The following PTPRD variants were observed in gnomAD, a reference collection of about 807,000 sequenced individuals.
PTPRD encodes protein tyrosine phosphatase receptor type D.
A neutral mutation model predicts 214.5 loss-of-function variants in PTPRD; 34 were observed. The observed-to-expected ratio is 0.16, with a 90% CI of 0.12 to 0.21. The LOEUF (loss-of-function observed/expected upper bound fraction) is 0.21, where lower values mean the gene tolerates loss of function less well. PTPRD is among the 10% of genes least tolerant of loss of function. The probability of loss-of-function intolerance (pLI) is 1.00; values close to 1 mark genes in which losing one functional copy is unlikely to be tolerated. For missense variants in PTPRD, 2,545 were observed against 2,398.7 expected (o/e 1.06, Z -1.27); for synonymous variants, 1,128 against 845.7 (o/e 1.33, Z -5.79).
rs530550271 is a variant in PTPRD at position 10,074,178 on chromosome 9, A to T, written c.-544-40388T>A. On this transcript the variant is annotated intron_variant, in intron 3 of 45. Coordinates refer to ENST00000381196, the MANE Select transcript of PTPRD (RefSeq NM_002839.4). Reference sequence around the variant, plus strand: ...GTTTACTGGATAGAATCATGGCATCATACAATATTTGGCTCCTCTCATTGG... The same window carrying T: ...GTTTACTGGATAGAATCATGGCATCTTACAATATTTGGCTCCTCTCATTGG... 2.0e-5 allele frequency among the ~76,000 whole-genome samples: 3 copies of T among 152,246 alleles called. No homozygotes were observed. The South Asian group carries it at 6.2e-4, about 32-fold the overall frequency.
intron 6 of PTPRD, among the ~76,000 whole-genome samples, chr9:9,735,758 T>A (rs766914965): frequency 6.6e-6 from 1 of 152,132 alleles, no homozygotes; most frequent in Non-Finnish European, 1.5e-5. Context: ...AAACGGATGA[T>A]CTATCTCTTA....
intron 11 of PTPRD, among the ~76,000 whole-genome samples, chr9:8,889,014 C>T (rs1259182026): frequency 6.6e-6 from 1 of 152,070 alleles, no homozygotes. Flanking sequence ...ATTTGTTGCT[C>T]AAGATATTAA....
At chr9:9,977,507 T>G (rs538699072) in intron 4 of PTPRD, among the ~76,000 whole-genome samples, 2 of 152,206 alleles carry the variant, frequency 1.3e-5, no homozygotes, top group African/African-American at 4.8e-5. Flanking sequence ...ATAAGTAGCA[T>G]GTAATTAGAC....
At chr9:9,094,748 A>G (rs2099781076) in intron 10 of PTPRD, among the ~76,000 whole-genome samples, 1 of 152,230 alleles carries the variant, frequency 6.6e-6, no homozygotes, top group Non-Finnish European at 1.5e-5. Flanking sequence ...ATATTTAACA[A>G]CAACAAACAA....
At chr9:8,666,301 C>G (rs1456920226) in intron 12 of PTPRD, among the ~76,000 whole-genome samples, 4 of 152,128 alleles carry the variant, frequency 2.6e-5, no homozygotes, top group African/African-American at 9.6e-5. Context: ...AGTGTTAAGT[C>G]AACATTCAAT....
intron 3 of PTPRD, among the ~76,000 whole-genome samples, chr9:10,072,582 C>T (rs1452054877): frequency 6.6e-6 from 1 of 152,080 alleles, no homozygotes; most frequent in Non-Finnish European, 1.5e-5. Flanking sequence ...CCTTATTTGT[C>T]CCCTCCCATG....
At chr9:9,310,156 C>T (rs1245502560) in intron 9 of PTPRD, among the ~76,000 whole-genome samples, 2 of 152,010 alleles carry the variant, frequency 1.3e-5, no homozygotes, top group African/African-American at 2.4e-5. Context: ...TCACATAGGT[C>T]GTTACTGTTT....
chr9:10,120,606 AAT>A (rs1454422195), intron 3 of PTPRD, among the ~76,000 whole-genome samples: 3 of 152,036 alleles, frequency 2.0e-5, no homozygotes, highest in Non-Finnish European at 4.4e-5. Flanking sequence ...AGAAATATTA[AAT>A]ATGTTAGGTT....
At chr9:8,915,095 T>G (rs1175252646) in intron 11 of PTPRD, among the ~76,000 whole-genome samples, 1 of 152,164 alleles carries the variant, frequency 6.6e-6, no homozygotes, top group African/African-American at 2.4e-5. Flanking sequence ...TGAAAGCAGT[T>G]TGAAGACATA....
At chr9:9,968,094 G>C (rs1215931375) in intron 4 of PTPRD, among the ~76,000 whole-genome samples, 1 of 152,160 alleles carries the variant, frequency 6.6e-6, no homozygotes, top group African/African-American at 2.4e-5. Flanking sequence ...TTTTGGACTA[G>C]GTAAAAGAAT....
intron 35 of PTPRD, among the ~76,000 whole-genome samples, chr9:8,431,743 C>T (rs2095067714): frequency 1.3e-5 from 2 of 152,202 alleles, no homozygotes; most frequent in Admixed American, 1.3e-4. Flanking sequence ...GTGGATACCA[C>T]AGCTGACCTA....
intron 3 of PTPRD, among the ~76,000 whole-genome samples, chr9:10,297,868 G>C (rs1019385102): frequency 3.3e-5 from 5 of 151,992 alleles, no homozygotes; most frequent in African/African-American, 9.7e-5. Context: ...AAACATTTCA[G>C]ACATAGAAAT....
rs1411689013 is a variant in PTPRD, at chr9:8,315,885, C to G, written c.*1989G>C. 1.8e-5 allele frequency: 4 copies of G among 224,892 alleles called. No homozygotes were observed. Among genetic ancestry groups the G allele is most frequent in the Non-Finnish European group, 3.5e-5 (4 of 112,840 alleles). The allele number at this position is 224,892 out of a possible 1,614,324, so 13.9% of individuals were successfully genotyped here. A position where few individuals can be genotyped will look rare whatever the true frequency, so the allele number is the denominator to read the frequency against. Reference sequence around the variant, plus strand: ...TCATGTAATATGTGGCAAACTTATGCCATCATCCATGGCTTCCTATAGAAA... The same window carrying G: ...TCATGTAATATGTGGCAAACTTATGGCATCATCCATGGCTTCCTATAGAAA... On this transcript the variant is annotated 3_prime_UTR_variant, in exon 46 of 46. Coordinates refer to ENST00000381196, the MANE Select transcript of PTPRD (RefSeq NM_002839.4).
chr9:10,261,109 A>C (rs575669351), intron 3 of PTPRD, among the ~76,000 whole-genome samples: 4 of 148,654 alleles, frequency 2.7e-5, no homozygotes, highest in Non-Finnish European at 5.9e-5. Context: ...AGAGAGAGTC[A>C]CTTTTCTGAA....
At chr9:8,875,466 G>C (rs1457644194) in intron 11 of PTPRD, among the ~76,000 whole-genome samples, 1 of 152,092 alleles carries the variant, frequency 6.6e-6, no homozygotes, top group Admixed American at 6.6e-5. Flanking sequence ...CTCAAGACTA[G>C]CAGAATAACA....
chr9:8,996,459 TG>T (rs1407064433), intron 11 of PTPRD, among the ~76,000 whole-genome samples: 1 of 152,036 alleles, frequency 6.6e-6, no homozygotes, highest in African/African-American at 2.4e-5. Context: ...TGTTGCCTAA[TG>T]ATAGAGGTGG....
At chr9:10,526,855 T>G (rs1158111143) in intron 2 of PTPRD, among the ~76,000 whole-genome samples, 1 of 152,106 alleles carries the variant, frequency 6.6e-6, no homozygotes, top group Non-Finnish European at 1.5e-5. Flanking sequence ...GGGGAATGGC[T>G]AAGGCAAGCA....
chr9:9,568,372 A>G (rs932695075), intron 8 of PTPRD, among the ~76,000 whole-genome samples: 4 of 151,896 alleles, frequency 2.6e-5, no homozygotes, highest in African/African-American at 9.7e-5. Context: ...CAGGCTTCCT[A>G]AGTTCCACAA....
intron 8 of PTPRD, among the ~76,000 whole-genome samples, chr9:9,424,276 C>G (rs1569568202): frequency 1.3e-5 from 2 of 152,188 alleles, no homozygotes; most frequent in East Asian, 1.9e-4. Context: ...GAGGGCACTC[C>G]CCAAATTCTT....
Sources: allele counts gnomAD v4.1 joint callset (sites outside exome capture counted in the v4.1 genomes callset), GRCh38; gene constraint gnomAD v4.1.1; transcripts MANE v1.5; gene names NCBI Gene and HGNC (gene_info 2026-07-23, HGNC 2026-07-21).